PDS5B: variants seen among roughly 807,000 people sequenced by gnomAD.
PDS5B encodes the protein sister chromatid cohesion protein PDS5 homolog B.
PDS5B carries 51 observed loss-of-function variants against 184.1 expected under a neutral mutation model. That is an observed-to-expected ratio of 0.28 (90% CI 0.22 to 0.35). PDS5B has a LOEUF of 0.35. Among genes scored for constraint, PDS5B ranks in the 10% least tolerant of loss-of-function variants. The probability of loss-of-function intolerance (pLI) is 1.00; values close to 1 mark genes in which losing one functional copy is unlikely to be tolerated. For synonymous variants in PDS5B, 566 were observed against 569.2 expected (o/e 0.99, Z 0.08); for missense variants, 1,180 against 1,723.3 (o/e 0.68, Z 5.58).
intron 1 of PDS5B, among the ~76,000 whole-genome samples, chr13:32,588,398 T>C (rs2057724338): frequency 1.3e-5 from 2 of 152,260 alleles, no homozygotes; most frequent in Non-Finnish European, 2.9e-5. Flanking sequence ...TTTACAAATA[T>C]GTCTAACAAG....
chr13:32,621,993 A>AT (rs950509098), intron 1 of PDS5B, among the ~76,000 whole-genome samples: 6 of 151,414 alleles, frequency 4.0e-5, no homozygotes, highest in Non-Finnish European at 5.9e-5. Flanking sequence ...TTAACATCTC[A>AT]TTTTTTTTCC....
At chr13:32,701,558 CTG>C (rs1431964825) in intron 17 of PDS5B, 120 bp downstream of exon 17, 2 of 593,716 alleles carry the variant, frequency 3.4e-6, no homozygotes, top group Non-Finnish European at 6.1e-6. Flanking sequence ...GTGTACTCCT[CTG>C]TATATACTCC....
rs561693185 is a variant in PDS5B at position 32,770,760 on chromosome 13, G to A, written c.4171G>A (p.Val1391Ile). 38 of 1,586,582 alleles carry A rather than the reference G, an allele frequency of 2.4e-5. No individual in the cohort carries two copies. In the African/African-American group the frequency reaches 4.9e-4, roughly 20 times the overall value. The change falls in exon 33 of 35, where the codon GTC (valine) becomes ATC (isoleucine). Residue 1391 changes from valine to isoleucine, a missense_variant and splice_region_variant. By Grantham distance (29) the Val-to-Ile change is conservative (BLOSUM62 3). Coordinates refer to ENST00000315596, the MANE Select transcript of PDS5B (RefSeq NM_015032.4). The stretch of plus-strand genomic sequence containing the variant: ...ATCACCATCACAACCAAAAAAAAAT[G>A]TGTAAGTTGTAAATATTACATTTCA... ...TPSPSQPKKNVRVGRSKQAAT... is the reference protein window; with the variant it reads ...TPSPSQPKKNIRVGRSKQAAT...
intron 6 of PDS5B, among the ~76,000 whole-genome samples, chr13:32,660,417 C>T (rs781758126): frequency 6.6e-6 from 1 of 152,192 alleles, no homozygotes; most frequent in Non-Finnish European, 1.5e-5. Context: ...TGCCTGTGTG[C>T]TCAGGTGAGA....
intron 13 of PDS5B, chr13:32,691,417 G>A (rs1481191287): frequency 6.6e-6 from 1 of 151,936 alleles, no homozygotes; most frequent in Non-Finnish European, 1.5e-5. Flanking sequence ...AGAAATTTGA[G>A]TCAATGCAGA....
intron 20 of PDS5B, 35 bp from the exon 21 acceptor site, chr13:32,735,137 A>T (rs367935146): frequency 1.4e-6 from 2 of 1,382,098 alleles, no homozygotes; most frequent in African/African-American, 1.5e-5. Context: ...GTATATGTGT[A>T]GAGTTGAAAT....
At chr13:32,717,116 G>A (rs1381657734) in intron 19 of PDS5B, among the ~76,000 whole-genome samples, 1,700 of 151,520 alleles carry the variant, frequency 0.011, 18 homozygotes, top group African/African-American at 0.038. Context: ...GGAGGTGAGG[G>A]GCGCCTCTGC....
At chr13:32,764,831 G>C (rs1310130966) in intron 31 of PDS5B, among the ~76,000 whole-genome samples, 1 of 151,930 alleles carries the variant, frequency 6.6e-6, no homozygotes, top group Admixed American at 6.6e-5. Context: ...TATTAGACTT[G>C]CCAGTTGCAT....
intron 7 of PDS5B, among the ~76,000 whole-genome samples, chr13:32,670,477 C>A (rs1254617493): frequency 6.6e-6 from 1 of 152,180 alleles, no homozygotes; most frequent in Non-Finnish European, 1.5e-5. Flanking sequence ...GTCCGCCTGC[C>A]TTGGCCTCTC....
rs1954751301 is a variant in PDS5B at position 32,770,646 on chromosome 13, C to T, written c.4065-8C>T. The stretch of plus-strand genomic sequence containing the variant: ...ATGCTATCCACATTTGGGTCTTCCC[C>T]AAAGCAGAGCAGAATCTCCTGAATC... On this transcript the variant is annotated splice_region_variant and splice_polypyrimidine_tract_variant and intron_variant, in intron 32 of 34. Coordinates refer to ENST00000315596, the MANE Select transcript of PDS5B (RefSeq NM_015032.4). 6.2e-7 allele frequency: 1 copy of T among 1,607,850 alleles called. No homozygotes were observed. Among genetic ancestry groups the T allele is most frequent in the East Asian group, 2.2e-5 (1 of 44,466 alleles).
intron 3 of PDS5B, among the ~76,000 whole-genome samples, chr13:32,655,955 T>A (rs181483719): frequency 1.3e-5 from 2 of 152,190 alleles, no homozygotes; most frequent in Non-Finnish European, 2.9e-5. Flanking sequence ...TTTTATAGTT[T>A]TAGGTTTTAC....
intron 1 of PDS5B, 22 bp downstream of exon 1, chr13:32,586,615 G>A (rs1397006970): frequency 6.6e-6 from 1 of 152,072 alleles, no homozygotes; most frequent in Non-Finnish European, 1.5e-5. Flanking sequence ...TTCAGTTAAC[G>A]GAAAGAAAAT....
At chr13:32,671,642 T>C (rs114484940) in intron 7 of PDS5B, among the ~76,000 whole-genome samples, 164 of 152,338 alleles carry the variant, frequency 1.1e-3, no homozygotes, top group African/African-American at 3.9e-3. Context: ...TTTGTTCTTC[T>C]TTCTTCATGG....
At chr13:32,762,079 G>T (rs1954425282) in intron 30 of PDS5B, among the ~76,000 whole-genome samples, 1 of 152,054 alleles carries the variant, frequency 6.6e-6, no homozygotes, top group African/African-American at 2.4e-5. Context: ...ATTTTTTAAT[G>T]GTTGGCCATT....
chr13:32,687,483 G>A, intron 12 of PDS5B, among the ~76,000 whole-genome samples, 198 bp downstream of exon 12: 1 of 152,086 alleles, frequency 6.6e-6, no homozygotes, highest in Admixed American at 6.6e-5. Flanking sequence ...TTAGGGATGG[G>A]TACAGGTTTT....
intron 1 of PDS5B, among the ~76,000 whole-genome samples, chr13:32,614,177 C>G (rs963112346): frequency 3.9e-5 from 6 of 152,054 alleles, no homozygotes; most frequent in African/African-American, 1.4e-4. Context: ...CTCCAACTTT[C>G]AATTTTTTCT....
At chr13:32,722,524 C>T (rs1952753531) in intron 19 of PDS5B, among the ~76,000 whole-genome samples, 1 of 152,092 alleles carries the variant, frequency 6.6e-6, no homozygotes, top group Non-Finnish European at 1.5e-5. Flanking sequence ...TAGGTCATAC[C>T]ATATAGGTAT....
At chr13:32,587,173 C>T (rs1262012150) in intron 1 of PDS5B, among the ~76,000 whole-genome samples, 1 of 149,808 alleles carries the variant, frequency 6.7e-6, no homozygotes, top group Non-Finnish European at 1.5e-5. Flanking sequence ...GCTCTCGCCC[C>T]CGCCGCCGGG....
intron 6 of PDS5B, among the ~76,000 whole-genome samples, chr13:32,659,897 T>C (rs1014022186): frequency 1.3e-5 from 2 of 152,196 alleles, no homozygotes; most frequent in African/African-American, 2.4e-5. Flanking sequence ...TGGCAAGATA[T>C]AATCTCAGTG....
Sources: allele counts gnomAD v4.1 joint callset (sites outside exome capture counted in the v4.1 genomes callset), GRCh38; gene constraint gnomAD v4.1.1; transcripts MANE v1.5; gene names NCBI Gene and HGNC (gene_info 2026-07-23, HGNC 2026-07-21).